The following SEMA3E variants were observed in gnomAD, a reference collection of about 807,000 sequenced individuals.
SEMA3E encodes the protein semaphorin-3E.
In SEMA3E, 49 loss-of-function variants were observed where a neutral mutation model predicts 93.6. The observed-to-expected ratio is 0.52, with a 90% CI of 0.42 to 0.66. The LOEUF is 0.66. Ranked by LOEUF, SEMA3E falls within the 30% of genes least tolerant of loss-of-function variation. SEMA3E has a pLI of 0.00. For synonymous variants in SEMA3E, 363 were observed against 330.7 expected, an observed-to-expected ratio of 1.10 and a Z score of -1.06; for missense variants, 906 against 964.8, an observed-to-expected ratio of 0.94 and a Z score of 0.81.
chr7:83,638,882 C>T (rs868478438), intron 1 of SEMA3E, among the ~76,000 whole-genome samples: 5 of 151,636 alleles, frequency 3.3e-5, no homozygotes, highest in African/African-American at 4.8e-5. Context: ...GAGGCCGAGG[C>T]GGGCGGATCA....
chr7:83,478,116 T>C (rs1790058360), intron 2 of SEMA3E, among the ~76,000 whole-genome samples: 1 of 152,080 alleles, frequency 6.6e-6, no homozygotes, highest in South Asian at 2.1e-4. Context: ...AGAGATAGGG[T>C]TTCTCCATGT....
intron 1 of SEMA3E, among the ~76,000 whole-genome samples, chr7:83,640,568 T>G (rs1793987411): frequency 6.6e-6 from 1 of 152,216 alleles, no homozygotes; most frequent in Admixed American, 6.5e-5. Context: ...CATTATTTCC[T>G]ACATCATGGA....
intron 7 of SEMA3E, 43 bp from the exon 8 acceptor site, chr7:83,406,102 T>C (rs571518085): frequency 1.5e-6 from 2 of 1,324,246 alleles, no homozygotes; most frequent in African/African-American, 2.9e-5. Context: ...CTAAAGAATT[T>C]CGACCAACCA....
At chr7:83,583,326 A>G (rs1792552935) in intron 1 of SEMA3E, among the ~76,000 whole-genome samples, 1 of 152,162 alleles carries the variant, frequency 6.6e-6, no homozygotes. Context: ...TAGCATTTTC[A>G]TCATTTGAAA....
At chr7:83,436,367 A>G (rs1022288178) in intron 4 of SEMA3E, among the ~76,000 whole-genome samples, 1 of 151,560 alleles carries the variant, frequency 6.6e-6, no homozygotes, top group Non-Finnish European at 1.5e-5. Flanking sequence ...GAGAATAAGA[A>G]TCAAGATTTT....
chr7:83,467,748 A>C (rs959518494), intron 3 of SEMA3E, among the ~76,000 whole-genome samples: 1 of 152,220 alleles, frequency 6.6e-6, no homozygotes, highest in African/African-American at 2.4e-5. Flanking sequence ...CAACACTGGT[A>C]TTCAACTCTA....
chr7:83,518,908 T>C lies in SEMA3E; in HGVS notation c.116-28634A>G, dbSNP rs1365869222. Among the ~76,000 whole-genome samples, 6 of 152,102 alleles carry C rather than the reference T, an allele frequency of 3.9e-5. No individual in the cohort carries two copies. The East Asian group carries it at 1.2e-3, about 29-fold the overall frequency. ...AATGAAACTCCTTACTGCAGTTCTTTGTTTTCTCAGGAATTTCTTTTCTTT... is the reference window on the plus strand; with the variant it reads ...AATGAAACTCCTTACTGCAGTTCTTCGTTTTCTCAGGAATTTCTTTTCTTT... On this transcript the variant is annotated intron_variant, in intron 1 of 16. Coordinates refer to ENST00000643230, the MANE Select transcript of SEMA3E (RefSeq NM_012431.3).
chr7:83,561,875 A>C (rs1792036498), intron 1 of SEMA3E, among the ~76,000 whole-genome samples: 1 of 152,172 alleles, frequency 6.6e-6, no homozygotes, highest in African/African-American at 2.4e-5. Context: ...GTGAAAGTAT[A>C]CTACATAATA....
At chr7:83,642,823 A>G (rs1423064848) in intron 1 of SEMA3E, among the ~76,000 whole-genome samples, 2 of 152,034 alleles carry the variant, frequency 1.3e-5, no homozygotes, top group African/African-American at 4.8e-5. Context: ...TAAATGGTAT[A>G]ATTTTAGTTT....
In SEMA3E at chr7:83,591,907, T is replaced by C. The variant is rs75738778; in HGVS notation, c.115+56521A>G. ...AAATGTATTCACATCAATTTTTCTA[T>C]ATAATTTTAAATCAAGCATTTTGAT... On this transcript the variant is annotated intron_variant, in intron 1 of 16. Coordinates refer to ENST00000643230, the MANE Select transcript of SEMA3E (RefSeq NM_012431.3). Among the ~76,000 whole-genome samples, 833 of 152,174 alleles carry C rather than the reference T, an allele frequency of 5.5e-3. 8 individuals are homozygous for C. Among genetic ancestry groups the C allele is most frequent in the African/African-American group, 0.019 (780 of 41,540 alleles).
intron 1 of SEMA3E, among the ~76,000 whole-genome samples, chr7:83,562,874 A>G (rs549608172): frequency 6.6e-6 from 1 of 152,308 alleles, no homozygotes; most frequent in South Asian, 2.1e-4. Context: ...CCAAGAGGAA[A>G]CAAAATAAAG....
chr7:83,424,437 A>G (rs1009242196), intron 4 of SEMA3E, among the ~76,000 whole-genome samples: 4 of 152,160 alleles, frequency 2.6e-5, no homozygotes, highest in African/African-American at 9.7e-5. Context: ...GGTCATTTTA[A>G]TTAGAGATAA....
intron 4 of SEMA3E, among the ~76,000 whole-genome samples, chr7:83,425,269 A>G (rs367749719): frequency 5.9e-5 from 9 of 152,288 alleles, no homozygotes; most frequent in African/African-American, 7.2e-5. Flanking sequence ...CTGGAACTAG[A>G]AACACAGCAA....
intron 4 of SEMA3E, among the ~76,000 whole-genome samples, chr7:83,434,175 G>C (rs1056990211): frequency 1.3e-5 from 2 of 151,964 alleles, no homozygotes; most frequent in African/African-American, 4.8e-5. Context: ...TCCGTCAAAT[G>C]AACACCTAAA....
chr7:83,381,904 CA>C (rs1276985138), intron 16 of SEMA3E, among the ~76,000 whole-genome samples: 1 of 151,922 alleles, frequency 6.6e-6, no homozygotes, highest in Admixed American at 6.6e-5. Flanking sequence ...TTCCTGGCAT[CA>C]GTGCTTAGAG....
intron 1 of SEMA3E, among the ~76,000 whole-genome samples, chr7:83,573,810 A>C (rs1792340942): frequency 6.6e-6 from 1 of 151,924 alleles, no homozygotes; most frequent in Non-Finnish European, 1.5e-5. Context: ...ATCAGATACT[A>C]TACTCTTCTT....
chr7:83,546,321 GGTGTGTGTGTGTGTGTGTGTGT>G (rs67647992), intron 1 of SEMA3E, among the ~76,000 whole-genome samples: 1 of 129,406 alleles, frequency 7.7e-6, no homozygotes, highest in African/African-American at 2.8e-5. Flanking sequence ...TATAATAAGG[GGTGTGTGTGTGTGTGTGTGTGT>G]GTGTGTGTGT....
At chr7:83,461,013 C>G (rs1033876847) in intron 4 of SEMA3E, among the ~76,000 whole-genome samples, 7 of 152,106 alleles carry the variant, frequency 4.6e-5, no homozygotes, top group Non-Finnish European at 1.0e-4. Flanking sequence ...GACCTAAAAC[C>G]TAAATGCCTT....
chr7:83,632,062 G>A (rs544048427), intron 1 of SEMA3E, among the ~76,000 whole-genome samples: 1 of 151,972 alleles, frequency 6.6e-6, no homozygotes, highest in East Asian at 1.9e-4. Context: ...GGTTGAGGCA[G>A]GAGAATCGCT....
Sources: allele counts gnomAD v4.1 joint callset (sites outside exome capture counted in the v4.1 genomes callset), GRCh38; gene constraint gnomAD v4.1.1; transcripts MANE v1.5; gene names NCBI Gene and HGNC (gene_info 2026-07-23, HGNC 2026-07-21).